SMAP1: variants seen among roughly 807,000 people sequenced by gnomAD.
SMAP1 encodes stromal membrane-associated protein 1.
SMAP1 carries 24 observed loss-of-function variants against 58.5 expected under a neutral mutation model. That is an observed-to-expected ratio of 0.41 (90% CI 0.30 to 0.58). The LOEUF is 0.58. SMAP1 is among the 20% of genes least tolerant of loss of function. SMAP1 has a pLI of 0.29. For missense variants in SMAP1, 563 were observed against 566.3 expected, an observed-to-expected ratio of 0.99 and a Z score of 0.06; for synonymous variants, 216 against 196.6, an observed-to-expected ratio of 1.10 and a Z score of -0.82.
chr6:70,786,611 G>T (rs1041565533), intron 4 of SMAP1, among the ~76,000 whole-genome samples: 4 of 151,914 alleles, frequency 2.6e-5, no homozygotes, highest in African/African-American at 9.7e-5. Flanking sequence ...CAAAGTCTCA[G>T]GATACAAAAT....
intron 1 of SMAP1, among the ~76,000 whole-genome samples, chr6:70,715,839 C>A (rs1219764963): frequency 1.3e-5 from 2 of 152,130 alleles, no homozygotes; most frequent in Non-Finnish European, 2.9e-5. Flanking sequence ...GTGCTGTCAT[C>A]ACTCGAGCAC....
In SMAP1 at chr6:70,751,582, G is replaced by C. The variant is rs189100709; in HGVS notation, c.253-3398G>C. Among the ~76,000 whole-genome samples the C allele has an allele frequency of 2.1e-5, 3 of 145,462 alleles. No individual in the cohort carries two copies. In the East Asian group the frequency reaches 6.0e-4, roughly 29 times the overall value. On this transcript the variant is annotated intron_variant, in intron 2 of 10. Coordinates refer to ENST00000370455, the MANE Select transcript of SMAP1 (RefSeq NM_001044305.3). Reference sequence around the variant, plus strand: ...TTTCATACTTGAAGTGTGAGATAAAGAGAAAAAAAAATACTGACAGGGAAT... The same window carrying C: ...TTTCATACTTGAAGTGTGAGATAAACAGAAAAAAAAATACTGACAGGGAAT...
At position 70,798,746 on chromosome 6, in the gene SMAP1, C is replaced by CT. The variant is rs769183206; in HGVS notation, c.576+16dup. 2.0e-5 allele frequency: 30 copies of CT among 1,538,160 alleles called. No individual in the cohort carries two copies. The highest frequency in any genetic ancestry group is 7.0e-5 in the African/African-American group (5 of 71,148). On this transcript the variant is annotated intron_variant, in intron 6 of 10. Coordinates refer to ENST00000370455, the MANE Select transcript of SMAP1 (RefSeq NM_001044305.3). ...CACTTACAGCTGAAAAGGTAAAATT[C>CT]TTTTTTTAAAAATAATCTATTAGGA... is the stretch of plus-strand genomic sequence containing the variant.
chr6:70,691,537 T>C (rs947606148), intron 1 of SMAP1, among the ~76,000 whole-genome samples: 1 of 152,220 alleles, frequency 6.6e-6, no homozygotes, highest in African/African-American at 2.4e-5. Flanking sequence ...TATCAAATAC[T>C]AGATCTTACT....
intron 2 of SMAP1, among the ~76,000 whole-genome samples, chr6:70,753,268 T>C (rs1766351555): frequency 6.6e-6 from 1 of 152,214 alleles, no homozygotes; most frequent in South Asian, 2.1e-4. Flanking sequence ...TGATGAGATA[T>C]AGTATAGCAT....
At chr6:70,735,298 C>G (rs1765577969) in intron 2 of SMAP1, among the ~76,000 whole-genome samples, 1 of 152,098 alleles carries the variant, frequency 6.6e-6, no homozygotes, top group African/African-American at 2.4e-5. Flanking sequence ...GTCAAGTCCC[C>G]CAGGGGCATA....
intron 7 of SMAP1, chr6:70,837,666 CTCT>C (rs1562195549): frequency 1.5e-4 from 63 of 421,348 alleles, no homozygotes; most frequent in South Asian, 2.0e-4. Context: ...TTCTCTCTCT[CTCT>C]TTTTTTTTTT....
chr6:70,816,678 C>T (rs1769643298), intron 6 of SMAP1, among the ~76,000 whole-genome samples: 2 of 152,130 alleles, frequency 1.3e-5, no homozygotes, highest in Admixed American at 1.3e-4. Flanking sequence ...AAATGTCCTG[C>T]TGTCACATAT....
At chr6:70,759,800 A>G (rs1200080812) in intron 3 of SMAP1, 4 of 402,370 alleles carry the variant, frequency 9.9e-6, no homozygotes, top group Non-Finnish European at 2.0e-5. Flanking sequence ...TGGTGTCTAT[A>G]TTGGTAAATC....
At chr6:70,830,089 T>G (rs1770297834) in intron 6 of SMAP1, among the ~76,000 whole-genome samples, 1 of 152,258 alleles carries the variant, frequency 6.6e-6, no homozygotes, top group Non-Finnish European at 1.5e-5. Context: ...TTTATAAAAT[T>G]GCTTTATCTA....
At position 70,698,508 on chromosome 6, in the gene SMAP1, G is replaced by C. The variant is rs1406291358; in HGVS notation, c.118+30367G>C. 2.0e-5 allele frequency among the ~76,000 whole-genome samples: 3 copies of C among 152,214 alleles called. No individual in the cohort carries two copies. The East Asian group carries it at 5.8e-4, about 29-fold the overall frequency. On this transcript the variant is annotated intron_variant, in intron 1 of 10. Transcript: ENST00000370455. ...CCCATCTCTCTCTACCTCCTTGTTA[G>C]GTTAATGACTATTAGATTTGCCATT... is the stretch of plus-strand genomic sequence containing the variant.
intron 8 of SMAP1, among the ~76,000 whole-genome samples, chr6:70,855,491 C>A (rs549278574): frequency 6.6e-6 from 1 of 151,940 alleles, no homozygotes; most frequent in East Asian, 1.9e-4. Context: ...AGGGAATAGA[C>A]CCCAGGGTTT....
rs759632667 is a variant in SMAP1, at chr6:70,860,167, C to G, written c.1270-33C>G. ...AAACAAGAATTAAAAGTGAAGTAAGCCTCTTGAACTAAGCCTTTTATATGT... is the reference window on the plus strand; with the variant it reads ...AAACAAGAATTAAAAGTGAAGTAAGGCTCTTGAACTAAGCCTTTTATATGT... On this transcript the variant is annotated intron_variant, in intron 10 of 10. Coordinates refer to ENST00000370455, the MANE Select transcript of SMAP1 (RefSeq NM_001044305.3). 1.3e-5 allele frequency: 21 copies of G among 1,555,592 alleles called. No individual in the cohort carries two copies. The East Asian group carries it at 3.2e-4, about 24-fold the overall frequency.
chr6:70,850,831 C>CTATA (rs1771155809), intron 7 of SMAP1, among the ~76,000 whole-genome samples: 1 of 151,980 alleles, frequency 6.6e-6, no homozygotes, highest in Non-Finnish European at 1.5e-5. Flanking sequence ...TTATAATGTA[C>CTATA]TATACATCAT....
rs554778886 is a variant in SMAP1, at chr6:70,670,977, A to G, written c.118+2836A>G. On this transcript the variant is annotated intron_variant, in intron 1 of 10. Coordinates refer to ENST00000370455, the MANE Select transcript of SMAP1 (RefSeq NM_001044305.3). Reference sequence around the variant, plus strand: ...CTGCTCTTACCAAATCTGTTGAACAACTGGAGAATTTAAGAACAGGCAGAT... The same window carrying G: ...CTGCTCTTACCAAATCTGTTGAACAGCTGGAGAATTTAAGAACAGGCAGAT... 2.6e-5 allele frequency among the ~76,000 whole-genome samples: 4 copies of G among 152,360 alleles called. No individual in the cohort carries two copies. In the East Asian group the frequency reaches 7.7e-4, roughly 29 times the overall value.
chr6:70,716,871 T>G (rs1768289528), intron 1 of SMAP1, among the ~76,000 whole-genome samples: 1 of 152,116 alleles, frequency 6.6e-6, no homozygotes. Context: ...TTCTGAAAAT[T>G]TACCTGGTTC....
chr6:70,775,009 CA>C (rs71538441), intron 4 of SMAP1, among the ~76,000 whole-genome samples: 7,285 of 119,082 alleles, frequency 0.061, 196 homozygotes, highest in Non-Finnish European at 0.087. Flanking sequence ...GATTCTGTGT[CA>C]AAAAAAAAAA....
At chr6:70,734,020 A>G (rs574211186) in intron 2 of SMAP1, among the ~76,000 whole-genome samples, 177 of 151,660 alleles carry the variant, frequency 1.2e-3, no homozygotes, top group African/African-American at 3.7e-3. Context: ...TTTTTTTACA[A>G]TGTAAGGATT....
chr6:70,671,009 ACTC>A (rs921496720), intron 1 of SMAP1, among the ~76,000 whole-genome samples: 10 of 151,788 alleles, frequency 6.6e-5, no homozygotes, highest in African/African-American at 2.2e-4. Context: ...AGATGGAACT[ACTC>A]CTCCTCTCTC....
Sources: gnomAD v4.1 joint callset for allele counts (sites outside exome capture counted in the v4.1 genomes callset) on GRCh38, gnomAD v4.1.1 for gene constraint, MANE v1.5 for transcripts, NCBI Gene and HGNC (gene_info 2026-07-23, HGNC 2026-07-21) for gene names.